The following FBXW7 variants were observed in gnomAD, a reference collection of about 807,000 sequenced individuals.
FBXW7 encodes F-box and WD repeat domain containing 7, also known as F-box/WD repeat-containing protein 7.
In FBXW7, 11 loss-of-function variants were observed where a neutral mutation model predicts 86.3. The observed-to-expected ratio is 0.13, with a 90% CI of 0.08 to 0.21. The LOEUF (loss-of-function observed/expected upper bound fraction) is 0.21, where lower values mean the gene tolerates loss of function less well. Ranked by LOEUF, FBXW7 falls within the 10% of genes least tolerant of loss-of-function variation. The probability of loss-of-function intolerance (pLI) is 1.00; values close to 1 mark genes in which losing one functional copy is unlikely to be tolerated. For synonymous variants in FBXW7, 313 were observed against 297.9 expected (o/e 1.05, Z -0.52); for missense variants, 488 against 847.4 (o/e 0.58, Z 5.27).
intron 2 of FBXW7, among the ~76,000 whole-genome samples, chr4:152,484,051 A>G (rs1745129227): frequency 6.6e-6 from 1 of 152,148 alleles, no homozygotes; most frequent in Non-Finnish European, 1.5e-5. Flanking sequence ...CTTTGAATAG[A>G]GTCTACATGC....
At chr4:152,477,219 T>C (rs1269526811) in intron 2 of FBXW7, among the ~76,000 whole-genome samples, 1 of 152,152 alleles carries the variant, frequency 6.6e-6, no homozygotes, top group African/African-American at 2.4e-5. Flanking sequence ...GTCAAGATTC[T>C]TCACAGTTCT....
chr4:152,351,457 C>T (rs1731807385), intron 4 of FBXW7, among the ~76,000 whole-genome samples: 1 of 152,044 alleles, frequency 6.6e-6, no homozygotes, highest in South Asian at 2.1e-4. Context: ...AGTTTATATA[C>T]TCATTACATT....
At chr4:152,510,427 C>T (rs548388652) in intron 2 of FBXW7, among the ~76,000 whole-genome samples, 1 of 152,262 alleles carries the variant, frequency 6.6e-6, no homozygotes, top group Non-Finnish European at 1.5e-5. Flanking sequence ...GTAACTTTCC[C>T]CCATATTCAA....
intron 2 of FBXW7, among the ~76,000 whole-genome samples, chr4:152,502,271 A>G (rs1028091126): frequency 6.6e-6 from 1 of 152,184 alleles, no homozygotes; most frequent in African/African-American, 2.4e-5. Context: ...TCCTTCTACT[A>G]AAGAAAGTTT....
chr4:152,362,817 A>ACT (rs1458900365), intron 4 of FBXW7, among the ~76,000 whole-genome samples: 1 of 125,912 alleles, frequency 7.9e-6, no homozygotes, highest in Non-Finnish European at 1.7e-5. Flanking sequence ...ACAGAGTGAA[A>ACT]CTCTCTCTCT....
chr4:152,326,257 A>C (rs1329673518), intron 11 of FBXW7, 26 bp from the exon 12 acceptor site: 2 of 1,575,080 alleles, frequency 1.3e-6, no homozygotes, highest in African/African-American at 2.7e-5. Flanking sequence ...CAGAAAAACA[A>C]AACAAAACAA....
intron 2 of FBXW7, among the ~76,000 whole-genome samples, chr4:152,451,105 T>C (rs1035600350): frequency 2.2e-4 from 34 of 152,218 alleles, no homozygotes; most frequent in African/African-American, 8.2e-4. Context: ...GTTTAAAAAT[T>C]AGAAGAAAAA....
intron 2 of FBXW7, among the ~76,000 whole-genome samples, chr4:152,488,167 T>C (rs1004229600): frequency 6.6e-6 from 1 of 152,036 alleles, no homozygotes; most frequent in African/African-American, 2.4e-5. Flanking sequence ...TACAAAATCA[T>C]CCTATTAAAG....
At chr4:152,349,319 A>AT (rs1389623554) in intron 5 of FBXW7, among the ~76,000 whole-genome samples, 4 of 151,654 alleles carry the variant, frequency 2.6e-5, no homozygotes, top group African/African-American at 9.7e-5. Context: ...AAGACCAAAA[A>AT]AAAAAGCTCT....
chr4:152,417,859 G>C (rs1448714439), intron 2 of FBXW7, among the ~76,000 whole-genome samples: 8 of 152,024 alleles, frequency 5.3e-5, no homozygotes, highest in Non-Finnish European at 1.2e-4. Context: ...CTCCCAGCAA[G>C]CTACCAAGCA....
chr4:152,424,309 T>C (rs1281373229), intron 2 of FBXW7, among the ~76,000 whole-genome samples: 2 of 152,154 alleles, frequency 1.3e-5, no homozygotes, highest in African/African-American at 4.8e-5. Context: ...AGAACAAGAC[T>C]TTTTGCATTT....
chr4:152,481,067 C>T (rs1319913076), intron 2 of FBXW7, among the ~76,000 whole-genome samples: 4 of 152,244 alleles, frequency 2.6e-5, no homozygotes, highest in East Asian at 3.9e-4. Flanking sequence ...TAGCTAGAAA[C>T]GATAAGTCAA....
chr4:152,352,616 A>C (rs1207870590), intron 4 of FBXW7: 1 of 1,613,878 alleles, frequency 6.2e-7, no homozygotes. Context: ...ACAGATTCTA[A>C]TGTGGACATG....
At chr4:152,366,870 C>A (rs1459949404) in intron 4 of FBXW7, among the ~76,000 whole-genome samples, 3 of 152,122 alleles carry the variant, frequency 2.0e-5, no homozygotes, top group Non-Finnish European at 4.4e-5. Context: ...AGACTTGCAA[C>A]CAACCCAAAT....
intron 2 of FBXW7, among the ~76,000 whole-genome samples, chr4:152,429,118 A>C (rs1173777048): frequency 1.3e-5 from 2 of 152,170 alleles, no homozygotes; most frequent in African/African-American, 4.8e-5. Context: ...TGAACCTGGG[A>C]GGCGGAGGTT....
At chr4:152,355,707 C>T (rs1177289608) in intron 4 of FBXW7, among the ~76,000 whole-genome samples, 2 of 152,112 alleles carry the variant, frequency 1.3e-5, no homozygotes, top group African/African-American at 4.8e-5. Context: ...TAAAATCCAT[C>T]TGCTAACTCA....
At chr4:152,506,665 C>A (rs1200442833) in intron 2 of FBXW7, among the ~76,000 whole-genome samples, 1 of 152,202 alleles carries the variant, frequency 6.6e-6, no homozygotes, top group African/African-American at 2.4e-5. Context: ...AATTGGTAGT[C>A]TTATTCCCTA....
chr4:152,432,302 G>A (rs1027975350), intron 2 of FBXW7, among the ~76,000 whole-genome samples: 6 of 152,104 alleles, frequency 3.9e-5, no homozygotes, highest in African/African-American at 1.4e-4. Flanking sequence ...TATTAGAACA[G>A]GGAAGTCCCA....
In FBXW7 at chr4:152,322,410, T is replaced by C. The variant is rs1728628499; in HGVS notation, c.*471A>G. 1 of 229,632 alleles carries C rather than the reference T, an allele frequency of 4.4e-6. No individual in the cohort carries two copies. Among genetic ancestry groups the C allele is most frequent in the African/African-American group, 2.3e-5 (1 of 44,118 alleles). The allele number at this position is 229,632 out of a possible 1,614,324, so 14.2% of individuals were successfully genotyped here. A position where few individuals can be genotyped will look rare whatever the true frequency, so the allele number is the denominator to read the frequency against. On this transcript the variant is annotated 3_prime_UTR_variant, in exon 14 of 14. Coordinates refer to ENST00000281708, the MANE Select transcript of FBXW7 (RefSeq NM_001349798.2). ...TTTAAGCTTTTCCACTCCAGAAAAA[T>C]GACTTTTTGTTGCAGATGCTCTCTA...
Sources: allele counts gnomAD v4.1 joint callset (sites outside exome capture counted in the v4.1 genomes callset), GRCh38; gene constraint gnomAD v4.1.1; transcripts MANE v1.5; gene names NCBI Gene and HGNC (gene_info 2026-07-23, HGNC 2026-07-21).